BIRC6: variants seen among roughly 807,000 people sequenced by gnomAD.
BIRC6 encodes the protein dual E2 ubiquitin-conjugating enzyme/E3 ubiquitin-protein ligase BIRC6.
BIRC6 carries 98 observed loss-of-function variants against 503.3 expected under a neutral mutation model. That is an observed-to-expected ratio of 0.19 (90% CI 0.17 to 0.23). The LOEUF is 0.23. Ranked by LOEUF, BIRC6 falls within the 10% of genes least tolerant of loss-of-function variation. The pLI is 1.00. For missense variants in BIRC6, 5,360 were observed against 5,806.0 expected, an observed-to-expected ratio of 0.92 and a Z score of 2.50; for synonymous variants, 2,240 against 2,078.7, an observed-to-expected ratio of 1.08 and a Z score of -2.11.
At chr2:32,462,301 A>G (rs909106897) in intron 23 of BIRC6, among the ~76,000 whole-genome samples, 1 of 152,220 alleles carries the variant, frequency 6.6e-6, no homozygotes, top group Non-Finnish European at 1.5e-5. Context: ...TGTGAAATGA[A>G]GTTTTTATCC....
chr2:32,468,980 T>G (rs76328059), intron 29 of BIRC6, among the ~76,000 whole-genome samples, 197 bp downstream of exon 29: 2 of 149,778 alleles, frequency 1.3e-5, no homozygotes, highest in South Asian at 2.1e-4. Context: ...GTTGTGTGTG[T>G]TTTTTTTGGG....
intron 73 of BIRC6, among the ~76,000 whole-genome samples, chr2:32,612,912 C>CA: frequency 6.6e-6 from 1 of 152,342 alleles, no homozygotes; most frequent in South Asian, 2.1e-4. Flanking sequence ...CTTTCACCGT[C>CA]AGACTATAGC....
intron 61 of BIRC6, among the ~76,000 whole-genome samples, chr2:32,541,438 C>G (rs1253847273): frequency 1.3e-5 from 2 of 151,964 alleles, no homozygotes; most frequent in East Asian, 3.9e-4. Flanking sequence ...AGCTGTAGAT[C>G]AGCTTAAGAC....
chr2:32,501,769 A>T lies in BIRC6; in HGVS notation c.9088A>T (p.Ile3030Leu). Residue 3030 changes from isoleucine (I) to leucine (L), a missense_variant, in exon 47 of 74, where the codon ATA becomes TTA. This residue lies in a region of BIRC6 where 267 missense variants were observed against 287.6 expected (regional missense o/e 0.93). Coordinates refer to ENST00000421745, the MANE Select transcript of BIRC6 (RefSeq NM_016252.4). Reference protein sequence around the residue: ...HENFHGGLDAISVGDGLFTIL... With the variant: ...HENFHGGLDALSVGDGLFTIL... ...AAACTTTCATGGTGGGTTGGATGCC[A>T]TATCAGTTGGGGATGGATTATTTAC... The T allele has an allele frequency of 6.2e-7, 1 of 1,613,812 alleles. No individual in the cohort carries two copies. The highest frequency in any genetic ancestry group is 1.3e-5 in the African/African-American group (1 of 75,040).
At chr2:32,613,136 T>A (rs2062992153) in intron 73 of BIRC6, among the ~76,000 whole-genome samples, 1 of 151,828 alleles carries the variant, frequency 6.6e-6, no homozygotes, top group Admixed American at 6.6e-5. Flanking sequence ...CTTGCTCACC[T>A]CCATTCATAT....
intron 1 of BIRC6, among the ~76,000 whole-genome samples, chr2:32,364,853 T>A (rs917406186): frequency 1.3e-4 from 19 of 151,584 alleles, no homozygotes; most frequent in African/African-American, 4.4e-4. Context: ...GCCTGCATAG[T>A]CCTCAAGAAA....
At position 32,515,688 on chromosome 2, in the gene BIRC6, G is replaced by A. The variant is rs138598333; in HGVS notation, c.11267G>A (p.Arg3756His). ...ACAACAGGACTGACTACTCAACAGC[G>A]CACAGCAATTGAGAATGCAACTGTT... ...AATTGLTTQQ[R>H]TAIENATVAF... The change falls in exon 55 of 74, where the codon CGC becomes CAC. Residue 3756 changes from arginine to histidine, a missense_variant. Physicochemically the swap from Arg to His is conservative, Grantham distance 29. Coordinates refer to ENST00000421745, the MANE Select transcript of BIRC6 (RefSeq NM_016252.4). 2,389 of 1,605,640 alleles carry A rather than the reference G, an allele frequency of 1.5e-3. 8 individuals are homozygous for A. Among genetic ancestry groups the A allele is most frequent in the Admixed American group, 2.8e-3 (170 of 60,012 alleles).
intron 66 of BIRC6, among the ~76,000 whole-genome samples, chr2:32,578,977 C>CA (rs1257616997): frequency 0.016 from 446 of 28,320 alleles, 9 homozygotes; most frequent in African/African-American, 0.089. Flanking sequence ...TTTTATATAC[C>CA]TAATATATAT....
At chr2:32,609,913 G>T (rs2062742802) in intron 72 of BIRC6, among the ~76,000 whole-genome samples, 1 of 152,128 alleles carries the variant, frequency 6.6e-6, no homozygotes, top group Non-Finnish European at 1.5e-5. Context: ...CGTTAAAGGG[G>T]CCACTCCTTG....
chr2:32,475,289 A>G (rs1411009158), intron 33 of BIRC6, among the ~76,000 whole-genome samples: 1 of 151,908 alleles, frequency 6.6e-6, no homozygotes, highest in African/African-American at 2.4e-5. Context: ...CTAGTACTTT[A>G]TATTTAAAGT....
chr2:32,367,550 G>A (rs1042070762), intron 1 of BIRC6, among the ~76,000 whole-genome samples: 1 of 152,128 alleles, frequency 6.6e-6, no homozygotes, highest in Admixed American at 6.5e-5. Flanking sequence ...GGCTGGGCAT[G>A]ATGGCTGTCG....
At chr2:32,523,342 A>C (rs551583289) in intron 57 of BIRC6, 1 of 152,326 alleles carries the variant, frequency 6.6e-6, no homozygotes, top group African/African-American at 2.4e-5. Context: ...AATAAGGGTA[A>C]TAAATGAAAA....
chr2:32,487,865 T>G, intron 41 of BIRC6, 64 bp downstream of exon 41: 1 of 1,392,378 alleles, frequency 7.2e-7, no homozygotes, highest in Non-Finnish European at 1.0e-6. Context: ...AAGATGAAAC[T>G]AATTGGGAAG....
rs766004588 is a variant in BIRC6 at position 32,501,814 on chromosome 2, A to G, written c.9133A>G (p.Lys3045Glu). 6.2e-6 allele frequency: 10 copies of G among 1,613,892 alleles called. No homozygotes were observed. The highest frequency in any genetic ancestry group is 1.7e-5 in the Admixed American group (1 of 60,002). Reference sequence around the variant, plus strand: ...ATTTACCATACTGACAACCCTTAGTAAAAAAGCTTCTACAGTCCACATGAT... The same window carrying G: ...ATTTACCATACTGACAACCCTTAGTGAAAAAGCTTCTACAGTCCACATGAT... ...GLFTILTTLS[K>E]KASTVHMMLQ... The change falls in exon 47 of 74, where the codon AAA becomes GAA. Residue 3045 changes from lysine to glutamate, a missense_variant. Transcript: ENST00000421745.
intron 1 of BIRC6, among the ~76,000 whole-genome samples, chr2:32,371,296 A>G (rs556061737): frequency 1.4e-4 from 21 of 152,072 alleles, no homozygotes; most frequent in African/African-American, 4.8e-4. Flanking sequence ...CAGACTAAGG[A>G]AAAAGTAAGT....
At chr2:32,591,874 A>C (rs903525976) in intron 66 of BIRC6, among the ~76,000 whole-genome samples, 2 of 152,190 alleles carry the variant, frequency 1.3e-5, no homozygotes, top group African/African-American at 4.8e-5. Flanking sequence ...CAAAGTGGGT[A>C]CTGTCAAGCA....
chr2:32,378,400 TTTC>T (rs2037142678), intron 2 of BIRC6, among the ~76,000 whole-genome samples: 1 of 152,060 alleles, frequency 6.6e-6, no homozygotes, highest in African/African-American at 2.4e-5. Flanking sequence ...TGGTTCTTTC[TTTC>T]TTTTTTTTAA....
At chr2:32,383,062 T>C (rs74568062) in intron 3 of BIRC6, among the ~76,000 whole-genome samples, 1 of 151,816 alleles carries the variant, frequency 6.6e-6, no homozygotes, top group African/African-American at 2.4e-5. Context: ...AATTTTTTTT[T>C]CTTAGACGGA....
intron 1 of BIRC6, among the ~76,000 whole-genome samples, chr2:32,368,552 A>C (rs1452407742): frequency 6.6e-6 from 1 of 152,026 alleles, no homozygotes; most frequent in Non-Finnish European, 1.5e-5. Flanking sequence ...ACACCAAATA[A>C]ATAAATAAAT....
Sources: allele counts gnomAD v4.1 joint callset (sites outside exome capture counted in the v4.1 genomes callset), GRCh38; gene constraint gnomAD v4.1.1; regional missense constraint gnomAD v4.1.1; transcripts MANE v1.5; gene names NCBI Gene and HGNC (gene_info 2026-07-23, HGNC 2026-07-21).